GATB: variants seen among roughly 807,000 people sequenced by gnomAD.
GATB encodes glutamyl-tRNA(Gln) amidotransferase subunit B, mitochondrial.
Under a neutral mutation model 62.3 loss-of-function variants are expected in GATB, and 39 were observed. The observed-to-expected ratio is 0.63, with a 90% CI of 0.48 to 0.82. The LOEUF (loss-of-function observed/expected upper bound fraction) is 0.82, where lower values mean the gene tolerates loss of function less well. GATB is among the 40% of genes least tolerant of loss of function. The probability of loss-of-function intolerance (pLI) is 0.00; values close to 1 mark genes in which losing one functional copy is unlikely to be tolerated. For synonymous variants in GATB, 276 were observed against 258.9 expected (o/e 1.07, Z -0.63); for missense variants, 670 against 684.0 (o/e 0.98, Z 0.23).
intron 9 of GATB, among the ~76,000 whole-genome samples, chr4:151,699,982 T>C (rs1164358306): frequency 6.6e-6 from 1 of 152,140 alleles, no homozygotes; most frequent in Non-Finnish European, 1.5e-5. Context: ...CCTATGTAAT[T>C]TCACAAATAG....
In GATB at chr4:151,751,255, A is replaced by T. The variant is rs550097070; in HGVS notation, c.327+7517T>A. On this transcript the variant is annotated intron_variant, in intron 2 of 12. Coordinates refer to ENST00000263985, the MANE Select transcript of GATB (RefSeq NM_004564.3). Reference sequence around the variant, plus strand: ...AGCACTTCACCAGCAGAAGGCTGAGAAACCAGTACAGGTAATGTTTGATTA... The same window carrying T: ...AGCACTTCACCAGCAGAAGGCTGAGTAACCAGTACAGGTAATGTTTGATTA... Among the ~76,000 whole-genome samples the T allele has an allele frequency of 2.0e-5, 3 of 152,372 alleles. No individual in the cohort carries two copies. The East Asian group carries it at 5.8e-4, about 29-fold the overall frequency.
chr4:151,673,006 T>A, intron 11 of GATB, 110 bp from the exon 12 acceptor site: 3 of 1,357,744 alleles, frequency 2.2e-6, no homozygotes, highest in Non-Finnish European at 2.0e-6. Flanking sequence ...GCAGATTCAA[T>A]TAAGTCCCCA....
chr4:151,697,522 T>C (rs1330979744), intron 9 of GATB, among the ~76,000 whole-genome samples: 1 of 152,010 alleles, frequency 6.6e-6, no homozygotes, highest in Non-Finnish European at 1.5e-5. Context: ...GTATGATGTA[T>C]ATGATTTGGG....
chr4:151,672,968 G>A (rs770672010), intron 11 of GATB, 72 bp from the exon 12 acceptor site: 6 of 1,556,104 alleles, frequency 3.9e-6, no homozygotes, highest in Non-Finnish European at 5.3e-6. Context: ...TTGCAGTGCT[G>A]TGCTGTGTGG....
intron 10 of GATB, among the ~76,000 whole-genome samples, chr4:151,680,564 G>A (rs1356025085): frequency 1.3e-5 from 2 of 152,216 alleles, no homozygotes; most frequent in Admixed American, 1.3e-4. Context: ...GTGAAACAGC[G>A]AAGTGTCATT....
At chr4:151,731,484 G>A (rs1245232991) in intron 2 of GATB, among the ~76,000 whole-genome samples, 2 of 152,146 alleles carry the variant, frequency 1.3e-5, no homozygotes, top group Non-Finnish European at 1.5e-5. Flanking sequence ...CCTCCCAGCC[G>A]CCTGCCTTGG....
At chr4:151,711,951 C>G (rs1036471760) in intron 5 of GATB, among the ~76,000 whole-genome samples, 1 of 152,198 alleles carries the variant, frequency 6.6e-6, no homozygotes, top group Non-Finnish European at 1.5e-5. Flanking sequence ...CTCTGAAAGG[C>G]CCATTAAGCT....
At chr4:151,677,254 T>C (rs1011680056) in intron 11 of GATB, 1 of 152,206 alleles carries the variant, frequency 6.6e-6, no homozygotes, top group Admixed American at 6.5e-5. Context: ...TTTTCTTTTT[T>C]AAAAAAGTAC....
At chr4:151,729,374 C>T (rs115441167) in intron 2 of GATB, among the ~76,000 whole-genome samples, 1,935 of 152,256 alleles carry the variant, frequency 0.013, 39 homozygotes, top group African/African-American at 0.039. Context: ...CAACTAAATG[C>T]AATGGGTGCT....
intron 2 of GATB, among the ~76,000 whole-genome samples, chr4:151,755,037 T>C (rs1368431878): frequency 6.6e-6 from 1 of 152,200 alleles, no homozygotes; most frequent in Non-Finnish European, 1.5e-5. Context: ...CAGGTAAGAT[T>C]TACCTTACCT....
At chr4:151,687,317 C>T (rs764843863) in intron 10 of GATB, among the ~76,000 whole-genome samples, 5 of 152,208 alleles carry the variant, frequency 3.3e-5, no homozygotes, top group Non-Finnish European at 5.9e-5. Flanking sequence ...AAATGGAATA[C>T]GGCATCTTCC....
intron 10 of GATB, among the ~76,000 whole-genome samples, chr4:151,688,246 C>T (rs1252585814): frequency 6.6e-6 from 1 of 152,180 alleles, no homozygotes; most frequent in Non-Finnish European, 1.5e-5. Context: ...GTTGGTTCCC[C>T]AGCCTCTGTT....
At chr4:151,691,232 C>T (rs1429802478) in intron 9 of GATB, among the ~76,000 whole-genome samples, 3 of 152,098 alleles carry the variant, frequency 2.0e-5, no homozygotes, top group Non-Finnish European at 2.9e-5. Context: ...AGCAAGCATT[C>T]GACTCAGGAT....
intron 11 of GATB, chr4:151,676,481 G>T (rs1293684127): frequency 6.6e-6 from 1 of 152,224 alleles, no homozygotes; most frequent in Non-Finnish European, 1.5e-5. Context: ...GATTTCCCTT[G>T]AACCATGACT....
rs944795108 is a variant in GATB, at chr4:151,759,013, T to C, written c.177-91A>G. ...CTAAACCACAAATGTTAATTTCCTATATGTGTTTTAAACTTAATACAATGT... is the reference window on the plus strand; with the variant it reads ...CTAAACCACAAATGTTAATTTCCTACATGTGTTTTAAACTTAATACAATGT... On this transcript the variant is annotated intron_variant, in intron 1 of 12. Coordinates refer to ENST00000263985, the MANE Select transcript of GATB (RefSeq NM_004564.3). 3.4e-6 allele frequency: 3 copies of C among 876,938 alleles called. No homozygotes were observed. The African/African-American group carries it at 5.1e-5, about 15-fold the overall frequency. The allele number at this position is 876,938 out of a possible 1,614,324, so 54.3% of individuals were successfully genotyped here.
rs753425035 is a variant in GATB at position 151,705,213 on chromosome 4, C to T, written c.934G>A (p.Glu312Lys). 1.2e-5 allele frequency: 20 copies of T among 1,613,304 alleles called. No homozygotes were observed. The highest frequency in any genetic ancestry group is 2.2e-5 in the South Asian group (2 of 91,052). Residue 312 changes from glutamate to lysine, a missense_variant, in exon 7 of 13, where the codon GAA becomes AAA. Coordinates refer to ENST00000263985, the MANE Select transcript of GATB (RefSeq NM_004564.3). ...ELENGGEILN[E>K]TRSFHHKLGC... The stretch of plus-strand genomic sequence containing the variant: ...AGCTTGTGATGAAATGAGCGTGTTT[C>T]GTTCAGAATTTCACCTCCATTCTCA...
intron 9 of GATB, among the ~76,000 whole-genome samples, chr4:151,699,715 C>CAGA (rs1410134716): frequency 6.6e-6 from 1 of 152,158 alleles, no homozygotes; most frequent in Non-Finnish European, 1.5e-5. Context: ...GTGCCTTGAA[C>CAGA]AGAAACAGCT....
chr4:151,738,262 A>C (rs1739419595), intron 2 of GATB, among the ~76,000 whole-genome samples: 1 of 152,196 alleles, frequency 6.6e-6, no homozygotes, highest in Non-Finnish European at 1.5e-5. Flanking sequence ...TGAGACGTGG[A>C]GTCAAAGGAG....
At chr4:151,690,406 A>C (rs1370210057) in intron 9 of GATB, among the ~76,000 whole-genome samples, 3 of 152,280 alleles carry the variant, frequency 2.0e-5, no homozygotes, top group East Asian at 3.8e-4. Flanking sequence ...AGATAAAGGC[A>C]GAGCCAGGCA....
Sources: allele counts gnomAD v4.1 joint callset (sites outside exome capture counted in the v4.1 genomes callset), GRCh38; gene constraint gnomAD v4.1.1; transcripts MANE v1.5; gene names NCBI Gene and HGNC (gene_info 2026-07-23, HGNC 2026-07-21).